MARCHF1: variants seen among roughly 807,000 people sequenced by gnomAD.
The protein encoded by MARCHF1 is membrane associated ring-CH-type finger 1.
Under a neutral mutation model 54.2 loss-of-function variants are expected in MARCHF1, and 40 were observed. The observed-to-expected ratio is 0.74, with a 90% confidence interval of 0.57 to 0.96. The LOEUF (loss-of-function observed/expected upper bound fraction) is 0.96, where lower values mean the gene tolerates loss of function less well. MARCHF1 is among the 40% of genes least tolerant of loss of function. MARCHF1 has a pLI of 0.00. For missense variants in MARCHF1, 586 were observed against 656.5 expected (o/e 0.89, Z 1.17); for synonymous variants, 236 against 236.3 (o/e 1.00, Z 0.01).
chr4:163,599,342 T>G (rs1179161993), intron 7 of MARCHF1, among the ~76,000 whole-genome samples: 1 of 151,106 alleles, frequency 6.6e-6, no homozygotes, highest in Non-Finnish European at 1.5e-5. Context: ...ACATTTAAAA[T>G]TAAGAACAAA....
intron 1 of MARCHF1, among the ~76,000 whole-genome samples, chr4:164,357,256 G>A (rs1730585683): frequency 6.6e-6 from 1 of 152,104 alleles, no homozygotes; most frequent in African/African-American, 2.4e-5. Flanking sequence ...TCGCGACTGT[G>A]AGGGGAGAAT....
At chr4:164,090,468 T>G (rs1232882811) in intron 2 of MARCHF1, among the ~76,000 whole-genome samples, 1 of 152,154 alleles carries the variant, frequency 6.6e-6, no homozygotes, top group Non-Finnish European at 1.5e-5. Flanking sequence ...GTAAAAGGTA[T>G]ATCTATAAGA....
intron 1 of MARCHF1, among the ~76,000 whole-genome samples, chr4:164,194,637 C>G (rs1731205735): frequency 6.6e-6 from 1 of 152,012 alleles, no homozygotes; most frequent in Non-Finnish European, 1.5e-5. Flanking sequence ...TGACTAATAT[C>G]AAATGTTAAG....
chr4:164,191,666 A>G (rs907222724), intron 1 of MARCHF1, among the ~76,000 whole-genome samples: 2 of 152,178 alleles, frequency 1.3e-5, no homozygotes, highest in Admixed American at 6.6e-5. Context: ...ACAATTTGGC[A>G]AAGTTTTATA....
At chr4:164,381,262 A>C (rs548187333) in intron 1 of MARCHF1, among the ~76,000 whole-genome samples, 1 of 152,370 alleles carries the variant, frequency 6.6e-6, no homozygotes, top group South Asian at 2.1e-4. Flanking sequence ...AATACATTAA[A>C]GAACATTATG....
chr4:164,204,613 C>T (rs1731555289), intron 1 of MARCHF1, among the ~76,000 whole-genome samples: 1 of 152,134 alleles, frequency 6.6e-6, no homozygotes, highest in African/African-American at 2.4e-5. Context: ...AACTTTGTGC[C>T]TAATGAAATA....
At chr4:163,860,282 C>T (rs1307789487) in intron 3 of MARCHF1, among the ~76,000 whole-genome samples, 1 of 152,040 alleles carries the variant, frequency 6.6e-6, no homozygotes. Flanking sequence ...GTGAGGACTT[C>T]CAGGGGCTGC....
At chr4:163,531,880 C>T (rs1476404850) in intron 9 of MARCHF1, among the ~76,000 whole-genome samples, 1 of 151,394 alleles carries the variant, frequency 6.6e-6, no homozygotes, top group East Asian at 1.9e-4. Context: ...AGGTGTAAAC[C>T]TAACAAAATA....
At chr4:164,076,328 T>C (rs1202236655) in intron 2 of MARCHF1, among the ~76,000 whole-genome samples, 1 of 152,090 alleles carries the variant, frequency 6.6e-6, no homozygotes, top group Non-Finnish European at 1.5e-5. Flanking sequence ...AGGCCTTCAA[T>C]AAAATTCAAC....
chr4:163,613,015 G>T lies in MARCHF1; in HGVS notation c.266C>A (p.Ser89Ter). The T allele has an allele frequency of 1.3e-6, 2 of 1,510,434 alleles. No individual in the cohort carries two copies. Among genetic ancestry groups the T allele is most frequent in the South Asian group, 2.5e-5 (2 of 78,990 alleles). The allele number at this position is 1,510,434 out of a possible 1,614,324, so 93.6% of individuals were successfully genotyped here. ...ICRSAILHDM[S>*]EESFEYCTPV... ...GGTGCAATACTCAAATGACTCTTCT[G>T]ACATGTCATGCAAGATGGCAGATCT... Residue 89 changes from serine (S) to a stop codon, truncating the protein, a stop_gained, in exon 7 of 10, where the codon TCA becomes TAA. Transcript: ENST00000514618. LOFTEE classifies it high-confidence loss of function.
chr4:163,527,799 A>G lies in MARCHF1; in HGVS notation c.*949T>C, dbSNP rs1182228312. On this transcript the variant is annotated 3_prime_UTR_variant, in exon 10 of 10. Transcript: ENST00000514618. ...CAACTGGATTTTGAAAACTTGGTTCAAGAAACAGATGTAAACTATCAATCA... is the reference window on the plus strand; with the variant it reads ...CAACTGGATTTTGAAAACTTGGTTCGAGAAACAGATGTAAACTATCAATCA... The G allele has an allele frequency of 1.3e-5, 2 of 152,004 alleles. No homozygotes were observed. The highest frequency in any genetic ancestry group is 2.9e-5 in the Non-Finnish European group (2 of 67,966). 9.4% of individuals were successfully genotyped at this position (152,004 alleles called of 1,614,324 possible).
chr4:163,723,974 C>T (rs1745567325), intron 4 of MARCHF1, among the ~76,000 whole-genome samples: 1 of 152,186 alleles, frequency 6.6e-6, no homozygotes, highest in South Asian at 2.1e-4. Context: ...TTCAAACTTC[C>T]TCCTTTAGCT....
At chr4:164,084,336 C>A (rs570557653) in intron 2 of MARCHF1, among the ~76,000 whole-genome samples, 1 of 151,788 alleles carries the variant, frequency 6.6e-6, no homozygotes, top group South Asian at 2.1e-4. Context: ...CAATTCATTT[C>A]TTGAATATAA....
rs78523002 is a variant in MARCHF1, at chr4:163,763,279, G to A, written c.112-62416C>T. 4.1e-3 allele frequency among the ~76,000 whole-genome samples: 631 copies of A among 152,150 alleles called. 11 individuals are homozygous for A. The East Asian group carries it at 0.061, about 15-fold the overall frequency. On this transcript the variant is annotated intron_variant, in intron 4 of 9. Coordinates refer to ENST00000514618, the MANE Select transcript of MARCHF1 (RefSeq NM_001394959.1). ...TCCTTACTTCTATACCTATTCAGAT[G>A]TCATTCTCATTCATTGAGCAGGAAC...
chr4:163,725,518 G>A (rs1745624524), intron 4 of MARCHF1, among the ~76,000 whole-genome samples: 1 of 150,948 alleles, frequency 6.6e-6, no homozygotes, highest in Admixed American at 6.6e-5. Context: ...GACATAAAAA[G>A]AAAATATGAA....
intron 3 of MARCHF1, among the ~76,000 whole-genome samples, chr4:163,964,276 C>T (rs145423222): frequency 1.3e-5 from 2 of 152,042 alleles, no homozygotes; most frequent in East Asian, 3.9e-4. Context: ...TTAAAAACTT[C>T]ACTATGAGTA....
Position 164,057,477 on chromosome 4 carries a change from C to T in MARCHF1, c.-248+54111G>A, listed in dbSNP as rs184657656. Among the ~76,000 whole-genome samples the T allele has an allele frequency of 8.5e-4, 129 of 152,182 alleles. 1 individual carries two copies. Among genetic ancestry groups the T allele is most frequent in the Non-Finnish European group, 2.8e-4 (19 of 68,014 alleles). Reference sequence around the variant, plus strand: ...TCATGTCTGGATATGGTCACATAACCAAATTCTGGCTGACAACATATAAGA... The same window carrying T: ...TCATGTCTGGATATGGTCACATAACTAAATTCTGGCTGACAACATATAAGA... On this transcript the variant is annotated intron_variant, in intron 2 of 9. Transcript: ENST00000514618.
At chr4:164,249,112 T>C (rs1028361051) in intron 1 of MARCHF1, among the ~76,000 whole-genome samples, 1 of 152,130 alleles carries the variant, frequency 6.6e-6, no homozygotes, top group African/African-American at 2.4e-5. Flanking sequence ...TGAAAATATT[T>C]ATTTACAATC....
chr4:164,044,725 A>C (rs942568450), intron 2 of MARCHF1, among the ~76,000 whole-genome samples: 1 of 152,058 alleles, frequency 6.6e-6, no homozygotes, highest in Non-Finnish European at 1.5e-5. Flanking sequence ...GTGAGAGTCT[A>C]TAGTGTTTAT....
Sources: allele counts gnomAD v4.1 joint callset (sites outside exome capture counted in the v4.1 genomes callset), GRCh38; gene constraint gnomAD v4.1.1; transcripts MANE v1.5; gene names NCBI Gene and HGNC (gene_info 2026-07-23, HGNC 2026-07-21).